The following TCAIM variants were observed in gnomAD, a reference collection of about 807,000 sequenced individuals.
TCAIM encodes T cell activation inhibitor, mitochondrial, also known as T-cell activation inhibitor, mitochondrial.
A neutral mutation model predicts 58.6 loss-of-function variants in TCAIM; 36 were observed. The ratio of observed to expected loss-of-function variants is 0.61; its 90% CI spans 0.47 to 0.81. TCAIM has a LOEUF of 0.81. TCAIM is among the 30% of genes least tolerant of loss of function. The pLI, the probability that TCAIM is intolerant of heterozygous loss-of-function variation, is 0.00. For synonymous variants in TCAIM, 172 were observed against 193.6 expected (o/e 0.89, Z 0.93); for missense variants, 466 against 579.6 (o/e 0.80, Z 2.01).
chr3:44,396,253 AG>A lies in TCAIM; in HGVS notation c.696-146del, dbSNP rs1701930867. 3 of 576,750 alleles carry A rather than the reference AG, an allele frequency of 5.2e-6. No homozygotes were observed. The East Asian group carries it at 9.8e-5, about 19-fold the overall frequency. The allele number at this position is 576,750 out of a possible 1,614,324, so 35.7% of individuals were successfully genotyped here. ...TGCTTTTTTAAAAATTAGCTAGCTTAGAAACATATGATCAATCAAAACATGT... is the reference window on the plus strand; with the variant it reads ...TGCTTTTTTAAAAATTAGCTAGCTTAAAACATATGATCAATCAAAACATGT... On this transcript the variant is annotated intron_variant, in intron 6 of 10. Coordinates refer to ENST00000342649, the MANE Select transcript of TCAIM (RefSeq NM_173826.4).
chr3:44,393,050 G>T, intron 6 of TCAIM, 73 bp downstream of exon 6: 1 of 1,369,868 alleles, frequency 7.3e-7, no homozygotes. Flanking sequence ...CTTTTCAGCA[G>T]CTAAATATTT....
chr3:44,365,830 C>T (rs1701365575), intron 4 of TCAIM, among the ~76,000 whole-genome samples: 1 of 152,090 alleles, frequency 6.6e-6, no homozygotes, highest in South Asian at 2.1e-4. Context: ...TCATTTCAAT[C>T]AATTTAATTT....
intron 5 of TCAIM, among the ~76,000 whole-genome samples, chr3:44,382,930 G>T (rs1433496509): frequency 6.6e-6 from 1 of 152,134 alleles, no homozygotes; most frequent in African/African-American, 2.4e-5. Context: ...CAAAGGACTT[G>T]AATAGACATT....
chr3:44,367,790 T>G (rs1559568843), intron 5 of TCAIM, 82 bp downstream of exon 5: 44 of 1,345,204 alleles, frequency 3.3e-5, no homozygotes, highest in Non-Finnish European at 2.6e-5. Flanking sequence ...CAAAAACATT[T>G]TTTTATAAAT....
chr3:44,379,436 A>T (rs957146815), intron 5 of TCAIM, among the ~76,000 whole-genome samples: 2 of 152,218 alleles, frequency 1.3e-5, no homozygotes, highest in Non-Finnish European at 2.9e-5. Context: ...TCATTGCAGC[A>T]CTGTTCACAA....
At chr3:44,385,361 T>TA (rs993029695) in intron 5 of TCAIM, among the ~76,000 whole-genome samples, 5 of 152,144 alleles carry the variant, frequency 3.3e-5, no homozygotes, top group African/African-American at 7.2e-5. Context: ...TGTTTTACCC[T>TA]AAAAAATAGA....
At chr3:44,395,096 A>G (rs568817770) in intron 6 of TCAIM, among the ~76,000 whole-genome samples, 2 of 150,534 alleles carry the variant, frequency 1.3e-5, no homozygotes. Context: ...GCAAACAGAA[A>G]CATTAACTAA....
intron 1 of TCAIM, among the ~76,000 whole-genome samples, chr3:44,350,696 G>A (rs1701070187): frequency 6.6e-6 from 1 of 152,064 alleles, no homozygotes; most frequent in African/African-American, 2.4e-5. Context: ...CCGAATTCCT[G>A]GGATTACAAG....
intron 1 of TCAIM, among the ~76,000 whole-genome samples, chr3:44,345,435 T>G (rs1700946517): frequency 6.6e-6 from 1 of 152,164 alleles, no homozygotes; most frequent in Non-Finnish European, 1.5e-5. Flanking sequence ...GGTTGGCAAG[T>G]TTTTGGGCTC....
At chr3:44,375,606 CAAATATTT>C (rs927803482) in intron 5 of TCAIM, among the ~76,000 whole-genome samples, 12 of 152,308 alleles carry the variant, frequency 7.9e-5, no homozygotes, top group African/African-American at 2.9e-4. Flanking sequence ...TTGGAGGGGA[CAAATATTT>C]AAACTGTAGC....
Position 44,355,521 on chromosome 3 carries a change from ACCCAATATGGT to A in TCAIM, c.29+711_29+721del, listed in dbSNP as rs575354242. On this transcript the variant is annotated intron_variant, in intron 2 of 10. Transcript: ENST00000342649. The stretch of plus-strand genomic sequence containing the variant: ...TTAAGAAAGTTAATCTGTTGGTGAT[ACCCAATATGGT>A]TGGAGAAAAGGACAGCAGAGTAGAC... 9.2e-5 allele frequency among the ~76,000 whole-genome samples: 14 copies of A among 152,346 alleles called. No homozygotes were observed. The South Asian group carries it at 2.9e-3, about 32-fold the overall frequency.
chr3:44,408,290 T>C lies in TCAIM; in HGVS notation c.*608T>C, dbSNP rs1448355996. ...ACAATTCAACATGCATCTGTATAGT[T>C]ACATCTCATGTAAATATACACAGAC... is the stretch of plus-strand genomic sequence containing the variant. On this transcript the variant is annotated 3_prime_UTR_variant, in exon 11 of 11. Transcript: ENST00000342649. The C allele has an allele frequency of 6.6e-6, 1 of 152,204 alleles. No homozygotes were observed. Among genetic ancestry groups the C allele is most frequent in the Non-Finnish European group, 1.5e-5 (1 of 68,036 alleles). 9.4% of individuals were successfully genotyped at this position (152,204 alleles called of 1,614,324 possible).
chr3:44,387,904 A>G (rs991956745), intron 5 of TCAIM, among the ~76,000 whole-genome samples: 3 of 152,164 alleles, frequency 2.0e-5, no homozygotes, highest in Non-Finnish European at 2.9e-5. Flanking sequence ...AAAAAGTTAG[A>G]GACTAAAATA....
chr3:44,354,634 A>G, intron 1 of TCAIM, 105 bp from the exon 2 acceptor site: 1 of 723,480 alleles, frequency 1.4e-6, no homozygotes, highest in Non-Finnish European at 2.2e-6. Context: ...ATTTTATAAG[A>G]TTAATAACTA....
chr3:44,390,364 T>C (rs1388865327), intron 5 of TCAIM, among the ~76,000 whole-genome samples: 1 of 152,236 alleles, frequency 6.6e-6, no homozygotes, highest in Admixed American at 6.5e-5. Flanking sequence ...ACGCCTTTAA[T>C]GCCAGCACTT....
rs1324742701 is a variant in TCAIM at position 44,396,774 on chromosome 3, C to T, written c.825C>T (p.Gly275=). 8.1e-6 allele frequency: 13 copies of T among 1,614,048 alleles called. No homozygotes were observed. Among genetic ancestry groups the T allele is most frequent in the Admixed American group, 6.7e-5 (4 of 60,004 alleles). The change falls in exon 8 of 11, where the codon GGC becomes GGT. Residue 275 remains glycine, a synonymous_variant. Transcript: ENST00000342649. ...GCTIIFTDRS[G]MSAVGHVMLG... ...CAATCATATTTACAGACCGTTCTGG[C>T]ATGAGTGCAGTGGGCCATGTGATGC...
intron 1 of TCAIM, among the ~76,000 whole-genome samples, chr3:44,347,616 G>A (rs1700997500): frequency 6.6e-6 from 1 of 152,174 alleles, no homozygotes; most frequent in Non-Finnish European, 1.5e-5. Context: ...TGGCTGATAA[G>A]GCACAGATCC....
chr3:44,396,611 G>A (rs879565597), intron 7 of TCAIM, 114 bp downstream of exon 7: 2 of 1,418,718 alleles, frequency 1.4e-6, no homozygotes, highest in African/African-American at 2.9e-5. Flanking sequence ...TCTGTTCTTT[G>A]AATAAAGCAG....
At chr3:44,402,374 T>A (rs1197663381) in intron 10 of TCAIM, among the ~76,000 whole-genome samples, 1 of 152,178 alleles carries the variant, frequency 6.6e-6, no homozygotes, top group Non-Finnish European at 1.5e-5. Flanking sequence ...CACACCTCTG[T>A]ACTCCAGCCT....
Sources: gnomAD v4.1 joint callset for allele counts (sites outside exome capture counted in the v4.1 genomes callset) on GRCh38, gnomAD v4.1.1 for gene constraint, MANE v1.5 for transcripts, NCBI Gene and HGNC (gene_info 2026-07-23, HGNC 2026-07-21) for gene names.